The following STAT2 variants were observed in gnomAD, a reference collection of about 807,000 sequenced individuals.
The protein encoded by STAT2 is signal transducer and activator of transcription 2.
A neutral mutation model predicts 122.3 loss-of-function variants in STAT2; 51 were observed. That is an observed-to-expected ratio of 0.42 (90% CI 0.33 to 0.53). The LOEUF (loss-of-function observed/expected upper bound fraction) is 0.53. Ranked by LOEUF, STAT2 falls within the 20% of genes least tolerant of loss-of-function variation. The probability of loss-of-function intolerance (pLI) is 0.10; values close to 1 mark genes in which losing one functional copy is unlikely to be tolerated. For synonymous variants in STAT2, 351 were observed against 394.9 expected (o/e 0.89, Z 1.32); for missense variants, 736 against 1,010.3 (o/e 0.73, Z 3.68).
chr12:56,354,040 T>TATATATATATATATATATATATATA (rs1157971570), intron 8 of STAT2, among the ~76,000 whole-genome samples: 1 of 53,360 alleles, frequency 1.9e-5, no homozygotes, highest in African/African-American at 5.4e-5. Context: ...TATATATATA[T>TATATATATATATATATATATATATA]AAAAAATACT....
chr12:56,345,524 A>AAAAAAAATATATATATATAT (rs1555169410), intron 22 of STAT2, among the ~76,000 whole-genome samples: 1 of 26,250 alleles, frequency 3.8e-5, no homozygotes, highest in African/African-American at 5.3e-4. Context: ...AAAAAAAAAA[A>AAAAAAAATATATATATATAT]ATATATATAT....
chr12:56,355,004 G>C, intron 6 of STAT2, 141 bp from the exon 7 acceptor site: 1 of 876,084 alleles, frequency 1.1e-6, no homozygotes, highest in Non-Finnish European at 1.8e-6. Context: ...GGGACCCTCA[G>C]GCAAATTCTG....
In STAT2 at chr12:56,342,026, G is replaced by A. The variant is rs1356858875; in HGVS notation, c.*1363C>T. 6.6e-6 allele frequency: 1 copy of A among 152,270 alleles called. No individual in the cohort carries two copies. The highest frequency in any genetic ancestry group is 1.5e-5 in the Non-Finnish European group (1 of 68,084). 9.4% of individuals were successfully genotyped at this position (152,270 alleles called of 1,614,324 possible). ...AAAAAAGAAATTCCTGCTGGGAACAGTGGCTCACGCCTGTAATCCCAGCAC... is the reference window on the plus strand; with the variant it reads ...AAAAAAGAAATTCCTGCTGGGAACAATGGCTCACGCCTGTAATCCCAGCAC... On this transcript the variant is annotated 3_prime_UTR_variant, in exon 24 of 24. Transcript: ENST00000314128.
chr12:56,359,939 T>C (rs1213768541), intron 1 of STAT2, 119 bp downstream of exon 1: 3 of 587,104 alleles, frequency 5.1e-6, no homozygotes, highest in Non-Finnish European at 6.4e-6. Flanking sequence ...CCTATTTCAA[T>C]CTGGGGACCG....
At chr12:56,354,942 G>C in intron 6 of STAT2, 79 bp from the exon 7 acceptor site, 2 of 1,440,086 alleles carry the variant, frequency 1.4e-6, no homozygotes, top group Non-Finnish European at 1.9e-6. Flanking sequence ...AGTCAGGAAG[G>C]AGGAATTTTG....
At chr12:56,355,641 CCT>C in intron 4 of STAT2, 65 bp downstream of exon 4, 6 of 1,596,488 alleles carry the variant, frequency 3.8e-6, no homozygotes, top group Non-Finnish European at 5.2e-6. Flanking sequence ...GAGACAACTC[CCT>C]GAGTCCTTTC....
Position 56,348,765 on chromosome 12 carries a change from G to C in STAT2, c.1616C>G (p.Ala539Gly). ...CRTEDPLLSW[A>G]DFTKRESPPG... The stretch of plus-strand genomic sequence containing the variant: ...TCAGGGAGTTACCTTAGTGAAGTCA[G>C]CCCAGGACAATAATGGATCCTCAGT... Residue 539 changes from alanine to glycine, a missense_variant, in exon 18 of 24, where the codon GCT becomes GGT. By Grantham distance (60) the Ala-to-Gly change is moderately conservative. Coordinates refer to ENST00000314128, the MANE Select transcript of STAT2 (RefSeq NM_005419.4). 1 of 1,614,192 alleles carries C rather than the reference G, an allele frequency of 6.2e-7. No homozygotes were observed. The highest frequency in any genetic ancestry group is 8.5e-7 in the Non-Finnish European group (1 of 1,180,032).
At position 56,346,918 on chromosome 12, in the gene STAT2, G is replaced by A. The variant is rs201461349; in HGVS notation, c.1762C>T (p.Arg588Trp). 19 of 1,614,136 alleles carry A rather than the reference G, an allele frequency of 1.2e-5. No homozygotes were observed. The highest frequency in any genetic ancestry group is 1.1e-4 in the East Asian group (5 of 44,872). ...CCAGACATGGTCTTCTTCAGCAGCC[G>A]GCGCTCCTGGCTCCGACTCACAAAG... ...MGFVSRSQER[R>W]LLKKTMSGTF... Residue 588 changes from arginine (R) to tryptophan (W), a missense_variant, in exon 20 of 24, where the codon CGG becomes TGG. Transcript: ENST00000314128.
At position 56,349,572 on chromosome 12, in the gene STAT2, C is replaced by G; in HGVS notation, c.1257+17G>C. On this transcript the variant is annotated intron_variant, in intron 14 of 23. Coordinates refer to ENST00000314128, the MANE Select transcript of STAT2 (RefSeq NM_005419.4). ...TGGCAAGCTCCCCCTGCCTCGAGTCCTCTGTCCAGATCTCACCTTATTGCT... is the reference window on the plus strand; with the variant it reads ...TGGCAAGCTCCCCCTGCCTCGAGTCGTCTGTCCAGATCTCACCTTATTGCT... 1 of 1,614,218 alleles carries G rather than the reference C, an allele frequency of 6.2e-7. No individual in the cohort carries two copies. The highest frequency in any genetic ancestry group is 1.3e-5 in the African/African-American group (1 of 75,058).
chr12:56,354,016 A>AAATATATATAT (rs71081350), intron 8 of STAT2, among the ~76,000 whole-genome samples: 1 of 16,698 alleles, frequency 6.0e-5, no homozygotes, highest in Admixed American at 1.4e-3. Flanking sequence ...AAAAAAAAAA[A>AAATATATATAT]ATATATATAT....
chr12:56,349,195 G>C lies in STAT2; in HGVS notation c.1408C>G (p.Leu470Val). The change falls in exon 16 of 24, where the codon CTC becomes GTC. Residue 470 changes from leucine (L) to valine (V), a missense_variant. Physicochemically the swap from Leu to Val is conservative, Grantham distance 32 (BLOSUM62 1). Coordinates refer to ENST00000314128, the MANE Select transcript of STAT2 (RefSeq NM_005419.4). ...NQLSIAWASV[L>V]WFNLLSPNLQ... ...TTTGGGCTGAGCAAATTGAACCAGA[G>C]AACTGAAGCCCAGGCAATTGAGAGC... 6.2e-7 allele frequency: 1 copy of C among 1,614,168 alleles called. No individual in the cohort carries two copies. The highest frequency in any genetic ancestry group is 8.5e-7 in the Non-Finnish European group (1 of 1,180,038).
At chr12:56,355,025 C>T (rs1879289828) in intron 6 of STAT2, 162 bp from the exon 7 acceptor site, 1 of 772,104 alleles carries the variant, frequency 1.3e-6, no homozygotes, top group East Asian at 2.6e-5. Flanking sequence ...AATGGTCATG[C>T]TTGGACCAGA....
intron 8 of STAT2, 189 bp downstream of exon 8, chr12:56,354,277 G>A (rs1013429399): frequency 2.9e-6 from 2 of 698,164 alleles, no homozygotes; most frequent in African/African-American, 3.6e-5. Flanking sequence ...TTTCCCTGAA[G>A]GAGACTGGGC....
intron 8 of STAT2, among the ~76,000 whole-genome samples, chr12:56,354,016 A>AATATATATATATATATATAT (rs1555171512): frequency 3.0e-4 from 5 of 16,692 alleles, no homozygotes; most frequent in Admixed American, 1.4e-3. Context: ...AAAAAAAAAA[A>AATATATATATATATATATAT]ATATATATAT....
chr12:56,358,988 C>T (rs952546039), intron 1 of STAT2, among the ~76,000 whole-genome samples: 1 of 152,190 alleles, frequency 6.6e-6, no homozygotes, highest in Non-Finnish European at 1.5e-5. Flanking sequence ...CAGCTGGTGT[C>T]TATTTAGGAA....
At chr12:56,347,988 T>C (rs1877767870) in intron 19 of STAT2, among the ~76,000 whole-genome samples, 1 of 151,988 alleles carries the variant, frequency 6.6e-6, no homozygotes, top group South Asian at 2.1e-4. Context: ...CCACTCAGCA[T>C]GGTTGTAAGG....
At chr12:56,347,965 C>T (rs1224531669) in intron 19 of STAT2, among the ~76,000 whole-genome samples, 1 of 152,054 alleles carries the variant, frequency 6.6e-6, no homozygotes, top group Non-Finnish European at 1.5e-5. Flanking sequence ...TGAAATGAAG[C>T]TGGCAAAACC....
intron 8 of STAT2, 59 bp downstream of exon 8, chr12:56,354,407 A>G: frequency 1.2e-6 from 2 of 1,609,672 alleles, no homozygotes; most frequent in Non-Finnish European, 1.7e-6. Flanking sequence ...TATGCAGGGC[A>G]CTGCAACTTA....
rs73324342 is a variant in STAT2, at chr12:56,353,630, C to A, written c.782+836G>T. Among the ~76,000 whole-genome samples the A allele has an allele frequency of 5.3e-3, 812 of 152,038 alleles. 9 individuals carry two copies. Among genetic ancestry groups the A allele is most frequent in the African/African-American group, 0.018 (745 of 41,472 alleles). On this transcript the variant is annotated intron_variant, in intron 8 of 23. Coordinates refer to ENST00000314128, the MANE Select transcript of STAT2 (RefSeq NM_005419.4). ...ACCTAAATAGCTGAAAATAGGAGTT[C>A]ATTAATTAAATTATGTTACCACCAT... is the stretch of plus-strand genomic sequence containing the variant.
Sources: gnomAD v4.1 joint callset for allele counts (sites outside exome capture counted in the v4.1 genomes callset) on GRCh38, gnomAD v4.1.1 for gene constraint, MANE v1.5 for transcripts, NCBI Gene and HGNC (gene_info 2026-07-23, HGNC 2026-07-21) for gene names.